Variants in LHX8 observed in about 807,000 individuals in gnomAD.
LHX8 encodes the protein LIM homeobox 8, also known as LIM/homeobox protein Lhx8.
Under a neutral mutation model 40.3 loss-of-function variants are expected in LHX8, and 12 were observed. The observed-to-expected ratio is 0.30, with a 90% CI of 0.19 to 0.48. LHX8 has a LOEUF of 0.48. Ranked by LOEUF, LHX8 falls within the 20% of genes least tolerant of loss-of-function variation. The probability of loss-of-function intolerance (pLI) is 0.99; values close to 1 mark genes in which losing one functional copy is unlikely to be tolerated. For missense variants in LHX8, 344 were observed against 433.7 expected (o/e 0.79, Z 1.84); for synonymous variants, 179 against 162.0 (o/e 1.10, Z -0.80).
chr1:75,167,368 G>A, the LHX8 span, among the ~76,000 whole-genome samples: 1 of 152,162 alleles, frequency 6.6e-6, no homozygotes, highest in Non-Finnish European at 1.5e-5. Flanking sequence ...AGTATCTGGT[G>A]CACAATAAAC....
chr1:75,160,981 A>G lies in LHX8; in HGVS notation c.*86A>G. 9.7e-7 allele frequency: 1 copy of G among 1,033,440 alleles called. No individual in the cohort carries two copies. The allele number at this position is 1,033,440 out of a possible 1,614,324, so 64.0% of individuals were successfully genotyped here. A position where few individuals can be genotyped will look rare whatever the true frequency, so the allele number is the denominator to read the frequency against. On this transcript the variant is annotated 3_prime_UTR_variant, in exon 9 of 9. Transcript: ENST00000356261. ...TACCATTGAAAAGATATTACTGTTA[A>G]TTTTTTATTTAACACCTAAAGCATT...
intron 8 of LHX8, 128 bp downstream of exon 8, chr1:75,157,204 G>A: frequency 1.8e-6 from 2 of 1,093,366 alleles, no homozygotes; most frequent in Non-Finnish European, 2.7e-6. Context: ...TATTGTGGGG[G>A]GTGCAGTAGA....
chr1:75,181,354 C>T, the LHX8 span, among the ~76,000 whole-genome samples: 1 of 152,212 alleles, frequency 6.6e-6, no homozygotes, highest in East Asian at 1.9e-4. Flanking sequence ...TCTTGAGCTG[C>T]AGTGGGCTCC....
the LHX8 span, among the ~76,000 whole-genome samples, chr1:75,191,310 A>T: frequency 5.7e-3 from 868 of 152,204 alleles, 11 homozygotes; most frequent in African/African-American, 0.02. Flanking sequence ...AATCAAGGCA[A>T]CCCACAATGC....
At chr1:75,176,233 T>G in the LHX8 span, among the ~76,000 whole-genome samples, 1 of 152,224 alleles carries the variant, frequency 6.6e-6, no homozygotes, top group Admixed American at 6.5e-5. Flanking sequence ...TCTAGACCCT[T>G]GAGGAATCAC....
At chr1:75,171,593 T>G in the LHX8 span, among the ~76,000 whole-genome samples, 1 of 152,122 alleles carries the variant, frequency 6.6e-6, no homozygotes, top group Non-Finnish European at 1.5e-5. Flanking sequence ...ATAAAGTGAA[T>G]CAGTGCTAAT....
chr1:75,141,056 C>G lies in LHX8; in HGVS notation c.309C>G (p.Thr103=). 1 of 1,613,532 alleles carries G rather than the reference C, an allele frequency of 6.2e-7. No homozygotes were observed. Among genetic ancestry groups the G allele is most frequent in the South Asian group, 1.1e-5 (1 of 91,074 alleles). Residue 103 remains threonine, a synonymous_variant, in exon 4 of 9, where the codon ACC becomes ACG. Coordinates refer to ENST00000356261, the MANE Select transcript of LHX8 (RefSeq NM_001256114.2). ...SVCRTSLGRH[T]SCYIKDKDIF... Reference sequence around the variant, plus strand: ...GCAGAACCTCCCTAGGAAGGCACACCAGCTGTTATATTAAAGACAAAGACA... The same window carrying G: ...GCAGAACCTCCCTAGGAAGGCACACGAGCTGTTATATTAAAGACAAAGACA...
chr1:75,162,029 A>G (rs984681683), downstream of LHX8, among the ~76,000 whole-genome samples: 37 of 152,246 alleles, frequency 2.4e-4, no homozygotes, highest in Admixed American at 1.7e-3. Context: ...CCAGTTGGGG[A>G]AGAAAAAAGG....
chr1:75,133,975 G>T (rs1384917935), upstream of LHX8, among the ~76,000 whole-genome samples: 1 of 152,056 alleles, frequency 6.6e-6, no homozygotes, highest in Admixed American at 6.5e-5. Flanking sequence ...GCATTCCTCG[G>T]CTACACCGGA....
In LHX8 at chr1:75,143,916, G is replaced by A; in HGVS notation, c.652G>A (p.Ala218Thr). 6.2e-7 allele frequency: 1 copy of A among 1,613,298 alleles called. No individual in the cohort carries two copies. The highest frequency in any genetic ancestry group is 8.5e-7 in the Non-Finnish European group (1 of 1,179,436). The change falls in exon 6 of 9, where the codon GCT becomes ACT. Residue 218 changes from alanine (A) to threonine (T), a missense_variant. Around this residue, in one of 3 missense-constraint regions of LHX8, gnomAD observed 147 missense variants for 250.8 expected, o/e 0.59. Transcript: ENST00000356261. ...TAACCATCCAAAACCAGCAAAAAGA[G>A]CTCGGACCAGCTTTACAGCAGATCA... is the stretch of plus-strand genomic sequence containing the variant. Reference protein sequence around the residue: ...DVNHPKPAKRARTSFTADQLQ... With the variant: ...DVNHPKPAKRTRTSFTADQLQ...
rs554010502 is a variant in LHX8 at position 75,134,877 on chromosome 1, A to G, written c.-90A>G. On this transcript the variant is annotated 5_prime_UTR_variant, in exon 1 of 9. Coordinates refer to ENST00000356261, the MANE Select transcript of LHX8 (RefSeq NM_001256114.2). ...TCAGTAATCATTGCACTCCCTCCCC[A>G]AAAGCTCACTTAACCTGAGACATGG... is the stretch of plus-strand genomic sequence containing the variant. 28 of 983,306 alleles carry G rather than the reference A, an allele frequency of 2.8e-5. No homozygotes were observed. In the South Asian group the frequency reaches 1.3e-3, roughly 45 times the overall value. The allele number at this position is 983,306 out of a possible 1,614,324, so 60.9% of individuals were successfully genotyped here.
the LHX8 span, among the ~76,000 whole-genome samples, chr1:75,178,425 A>G: frequency 6.6e-6 from 1 of 151,934 alleles, no homozygotes; most frequent in Non-Finnish European, 1.5e-5. Context: ...CCAGGAATTT[A>G]TCCATTTTTT....
intron 4 of LHX8, among the ~76,000 whole-genome samples, chr1:75,142,751 T>C (rs1056276070): frequency 6.6e-6 from 1 of 152,188 alleles, no homozygotes; most frequent in Non-Finnish European, 1.5e-5. Context: ...CTTTTGCACT[T>C]TTAGATTTTC....
At chr1:75,130,127 A>G (rs1035701953), upstream of LHX8, 3 of 159,168 alleles carry the variant, frequency 1.9e-5, no homozygotes, top group African/African-American at 7.2e-5. Flanking sequence ...GATGGACTTT[A>G]GCGTTTCGCG....
At chr1:75,158,512 TTGTTTTACCTTTGCTG>T (rs1362600047) in intron 8 of LHX8, among the ~76,000 whole-genome samples, 2 of 152,294 alleles carry the variant, frequency 1.3e-5, no homozygotes, top group Admixed American at 1.3e-4. Flanking sequence ...TCTAGAAACT[TTGTTTTACCTTTGCTG>T]TGTAGATTTA....
chr1:75,179,373 A>G, the LHX8 span, among the ~76,000 whole-genome samples: 1 of 152,238 alleles, frequency 6.6e-6, no homozygotes, highest in East Asian at 1.9e-4. Context: ...GGGTGCATAT[A>G]TATTTAGGAT....
the LHX8 span, among the ~76,000 whole-genome samples, chr1:75,183,314 A>G: frequency 1.3e-5 from 2 of 152,166 alleles, no homozygotes; most frequent in African/African-American, 4.8e-5. Context: ...CACCCCCAAG[A>G]CACATAATCA....
chr1:75,130,948 T>G (rs527563256), upstream of LHX8: 726 of 633,366 alleles, frequency 1.1e-3, 6 homozygotes, highest in Middle Eastern at 9.9e-3. Context: ...AATCCGCACC[T>G]TCTTATGATC....
the LHX8 span, among the ~76,000 whole-genome samples, chr1:75,169,886 C>A: frequency 7.2e-5 from 11 of 152,354 alleles, no homozygotes; most frequent in South Asian, 2.3e-3. Context: ...GGAGGGGGAA[C>A]TCCTGGTCTT....
Sources: allele counts gnomAD v4.1 joint callset (sites outside exome capture counted in the v4.1 genomes callset), GRCh38; gene constraint gnomAD v4.1.1; regional missense constraint gnomAD v4.1.1; transcripts MANE v1.5; gene names NCBI Gene and HGNC (gene_info 2026-07-23, HGNC 2026-07-21).